The following AXDND1 variants were observed in gnomAD, a reference collection of about 807,000 sequenced individuals.
The protein encoded by AXDND1 is axonemal dynein light chain domain-containing protein 1.
Under a neutral mutation model 137.5 loss-of-function variants are expected in AXDND1, and 110 were observed. The observed-to-expected ratio is 0.80, with a 90% confidence interval of 0.69 to 0.94. The LOEUF is 0.94. AXDND1 is among the 40% of genes least tolerant of loss of function. AXDND1 has a pLI of 0.00. For missense variants in AXDND1, 1,191 were observed against 1,169.8 expected, an observed-to-expected ratio of 1.02 and a Z score of -0.26; for synonymous variants, 414 against 399.7, an observed-to-expected ratio of 1.04 and a Z score of -0.43.
At chr1:179,490,265 AG>A (rs984525575) in intron 18 of AXDND1, among the ~76,000 whole-genome samples, 68 of 152,310 alleles carry the variant, frequency 4.5e-4, no homozygotes, top group African/African-American at 1.5e-3. Flanking sequence ...GAAACTGGTA[AG>A]TCTTCTCAGA....
chr1:179,539,169 G>C (rs921899319), intron 25 of AXDND1, among the ~76,000 whole-genome samples: 23 of 152,174 alleles, frequency 1.5e-4, no homozygotes, highest in African/African-American at 5.1e-4. Flanking sequence ...TCTTTTAATT[G>C]GGGCATTTAG....
At chr1:179,478,781 C>G (rs1664951016) in intron 17 of AXDND1, among the ~76,000 whole-genome samples, 1 of 152,204 alleles carries the variant, frequency 6.6e-6, no homozygotes, top group Non-Finnish European at 1.5e-5. Flanking sequence ...ATTTTCTGAA[C>G]TTTTATGCTC....
chr1:179,488,748 T>C lies in AXDND1; in HGVS notation c.2092-2790T>C, dbSNP rs140771149. On this transcript the variant is annotated intron_variant, in intron 18 of 25. Coordinates refer to ENST00000367618, the MANE Select transcript of AXDND1 (RefSeq NM_144696.6). The stretch of plus-strand genomic sequence containing the variant: ...TCTTTCTCTCTCTCTCTTTCTTTTT[T>C]TTTTGAAATGGAGTCTCGCTCTGTC... 8.9e-3 allele frequency among the ~76,000 whole-genome samples: 1,261 copies of C among 141,384 alleles called. 72 individuals carry two copies. Among genetic ancestry groups the C allele is most frequent in the Admixed American group, 0.057 (815 of 14,304 alleles). The allele number at this position is 141,384 out of a possible 152,430, so 92.8% of individuals were successfully genotyped here.
chr1:179,512,903 A>G (rs745353710), intron 21 of AXDND1, among the ~76,000 whole-genome samples: 5 of 152,272 alleles, frequency 3.3e-5, no homozygotes, highest in Middle Eastern at 3.4e-3. Flanking sequence ...ATTTGTGTAC[A>G]TTAGTCTTGT....
chr1:179,467,009 A>G (rs764155033), intron 16 of AXDND1, among the ~76,000 whole-genome samples: 8 of 151,982 alleles, frequency 5.3e-5, no homozygotes, highest in Non-Finnish European at 1.0e-4. Context: ...TGTTACCAGG[A>G]CCTCTACTCC....
intron 25 of AXDND1, among the ~76,000 whole-genome samples, chr1:179,548,254 C>T (rs1672825759): frequency 6.6e-6 from 1 of 152,180 alleles, no homozygotes; most frequent in African/African-American, 2.4e-5. Flanking sequence ...TAATAGTAAT[C>T]ACCATTATTT....
At chr1:179,448,798 C>A (rs1660097603) in intron 16 of AXDND1, 1 of 160,868 alleles carries the variant, frequency 6.2e-6, no homozygotes, top group Non-Finnish European at 1.4e-5. Flanking sequence ...GAATCCTTTC[C>A]TAAATTTAAA....
chr1:179,463,247 T>G (rs182814400), intron 16 of AXDND1, among the ~76,000 whole-genome samples: 13 of 152,356 alleles, frequency 8.5e-5, no homozygotes, highest in African/African-American at 2.4e-4. Context: ...CTTTCTGTTG[T>G]GGGCATTTAG....
chr1:179,472,589 G>A (rs1258235136), intron 17 of AXDND1, among the ~76,000 whole-genome samples: 1 of 152,096 alleles, frequency 6.6e-6, no homozygotes, highest in Admixed American at 6.6e-5. Context: ...TTGATAGTGG[G>A]ATGTTGAAGT....
chr1:179,515,638 G>C (rs940935077), intron 21 of AXDND1, among the ~76,000 whole-genome samples: 3 of 152,108 alleles, frequency 2.0e-5, no homozygotes, highest in Non-Finnish European at 4.4e-5. Context: ...GGCCAGGGAA[G>C]TTTTCCTCAA....
intron 15 of AXDND1, among the ~76,000 whole-genome samples, chr1:179,436,631 G>T (rs536654500): frequency 6.6e-6 from 1 of 152,124 alleles, no homozygotes; most frequent in African/African-American, 2.4e-5. Context: ...ATAACTGGGA[G>T]TTGAACAATG....
intron 18 of AXDND1, among the ~76,000 whole-genome samples, chr1:179,483,746 C>T (rs1445454015): frequency 1.3e-5 from 2 of 152,016 alleles, no homozygotes; most frequent in African/African-American, 2.4e-5. Context: ...TTAGAAAGTG[C>T]CTTTATATAC....
rs777002582 is a variant in AXDND1, at chr1:179,378,617, A to G, written c.375-20A>G. ...CAGATAGAAAATTTGTTTTGTAAATATATTTTTCTTACTTTTTAGGGATAT... is the reference window on the plus strand; with the variant it reads ...CAGATAGAAAATTTGTTTTGTAAATGTATTTTTCTTACTTTTTAGGGATAT... On this transcript the variant is annotated intron_variant, in intron 4 of 25. Coordinates refer to ENST00000367618, the MANE Select transcript of AXDND1 (RefSeq NM_144696.6). The G allele has an allele frequency of 2.6e-6, 4 of 1,549,900 alleles. No individual in the cohort carries two copies. Among genetic ancestry groups the G allele is most frequent in the Admixed American group, 1.8e-5 (1 of 55,088 alleles).
rs759914257 is a variant in AXDND1, at chr1:179,528,424, C to T, written c.2708C>T (p.Ser903Phe). ...SKPLFETDVL[S>F]SWRESAKQGT... ...CCTCTATTTGAAACAGATGTGTTGT[C>T]TTCCTGGGTATGTATCTGAAACCCA... The change falls in exon 23 of 26, where the codon TCT (serine) becomes TTT (phenylalanine). Residue 903 changes from serine to phenylalanine, a missense_variant. Transcript: ENST00000367618. 6.2e-7 allele frequency: 1 copy of T among 1,609,376 alleles called. No homozygotes were observed. The highest frequency in any genetic ancestry group is 1.7e-5 in the Admixed American group (1 of 59,968).
chr1:179,525,784 A>G (rs1670477829), intron 22 of AXDND1, among the ~76,000 whole-genome samples: 1 of 139,696 alleles, frequency 7.2e-6, no homozygotes, highest in African/African-American at 2.7e-5. Context: ...ATGAGCCACC[A>G]TGCTTGGACC....
At chr1:179,452,938 A>G (rs1660756073) in intron 16 of AXDND1, 1 of 152,160 alleles carries the variant, frequency 6.6e-6, no homozygotes, top group Admixed American at 6.5e-5. Flanking sequence ...TGCTGTGAGT[A>G]GCCTAGGGAT....
chr1:179,464,556 T>A lies in AXDND1; in HGVS notation c.1799-3887T>A, dbSNP rs187439034. Reference sequence around the variant, plus strand: ...TGTGGCTGCCCTTAACATTTTTTCCTTCATTTCAACTTTGGTGAATCTGAC... The same window carrying A: ...TGTGGCTGCCCTTAACATTTTTTCCATCATTTCAACTTTGGTGAATCTGAC... On this transcript the variant is annotated intron_variant, in intron 16 of 25. Transcript: ENST00000367618. Among the ~76,000 whole-genome samples the A allele has an allele frequency of 1.9e-3, 294 of 152,332 alleles. 2 individuals are homozygous for A. The highest frequency in any genetic ancestry group is 1.5e-3 in the Non-Finnish European group (103 of 68,034).
intron 16 of AXDND1, among the ~76,000 whole-genome samples, chr1:179,458,513 T>A (rs1468405619): frequency 6.6e-6 from 1 of 152,048 alleles, no homozygotes; most frequent in Non-Finnish European, 1.5e-5. Flanking sequence ...AATAAAATAA[T>A]AATTATTATT....
chr1:179,374,824 G>A (rs1166705117), intron 4 of AXDND1, among the ~76,000 whole-genome samples: 1 of 142,478 alleles, frequency 7.0e-6, no homozygotes, highest in Non-Finnish European at 1.5e-5. Context: ...GGGGCCTGTC[G>A]TGGGATGGGG....
Sources: allele counts gnomAD v4.1 joint callset (sites outside exome capture counted in the v4.1 genomes callset), GRCh38; gene constraint gnomAD v4.1.1; transcripts MANE v1.5; gene names NCBI Gene and HGNC (gene_info 2026-07-23, HGNC 2026-07-21).